The following PEAR1 variants were observed in gnomAD, a reference collection of about 807,000 sequenced individuals.
PEAR1 encodes the protein platelet endothelial aggregation receptor 1.
PEAR1 carries 113 observed loss-of-function variants against 131.2 expected under a neutral mutation model. The observed-to-expected ratio is 0.86, with a 90% CI of 0.74 to 1.01. PEAR1 has a LOEUF of 1.01. Ranked by LOEUF, PEAR1 falls within the 50% of genes least tolerant of loss-of-function variation. PEAR1 has a pLI of 0.00. For synonymous variants in PEAR1, 565 were observed against 523.3 expected (o/e 1.08, Z -1.09); for missense variants, 1,408 against 1,391.1 (o/e 1.01, Z -0.19).
rs1651857379 is a variant in PEAR1, at chr1:156,916,346, A to T, written c.*1548A>T. 1 of 152,176 alleles carries T rather than the reference A, an allele frequency of 6.6e-6. No homozygotes were observed. Among genetic ancestry groups the T allele is most frequent in the Non-Finnish European group, 1.5e-5 (1 of 68,040 alleles). The allele number at this position is 152,176 out of a possible 1,614,324, so 9.4% of individuals were successfully genotyped here. A position where few individuals can be genotyped will look rare whatever the true frequency, so the allele number is the denominator to read the frequency against. ...ATTATATGTGTTATAGTGATCTGTG[A>T]TCAGTGATCTTTGATATATTATTGT... On this transcript the variant is annotated 3_prime_UTR_variant, in exon 23 of 23. Coordinates refer to ENST00000292357, the MANE Select transcript of PEAR1 (RefSeq NM_001080471.3).
chr1:156,907,862 C>T, intron 7 of PEAR1, 53 bp from the exon 8 acceptor site: 1 of 1,593,112 alleles, frequency 6.3e-7, no homozygotes, highest in South Asian at 1.1e-5. Flanking sequence ...GGTCCTGTGG[C>T]CTTGGGGAGG....
At chr1:156,895,055 G>C (rs1359350313) in intron 1 of PEAR1, among the ~76,000 whole-genome samples, 4 of 152,172 alleles carry the variant, frequency 2.6e-5, no homozygotes, top group Non-Finnish European at 4.4e-5. Flanking sequence ...TCCCACTCTT[G>C]AGGCCTCCGA....
intron 15 of PEAR1, 95 bp downstream of exon 15, chr1:156,910,838 C>A: frequency 6.5e-7 from 1 of 1,533,750 alleles, no homozygotes; most frequent in Non-Finnish European, 8.8e-7. Context: ...GGTATAAAAG[C>A]CTCTGGGCCC....
At chr1:156,905,471 G>C in intron 4 of PEAR1, 47 bp downstream of exon 4, 2 of 1,508,350 alleles carry the variant, frequency 1.3e-6, no homozygotes, top group East Asian at 2.3e-5. Context: ...AATGGAATGC[G>C]GGGAGCTTAG....
At position 156,908,612 on chromosome 1, in the gene PEAR1, C is replaced by A. The variant is rs1454172567; in HGVS notation, c.1116-43C>A. ...GAGGGGTCGGGAAGCTGCCCTGCCC[C>A]TGCCCAGCTCAGACCGCGCCACGCC... On this transcript the variant is annotated intron_variant, in intron 9 of 22. Transcript: ENST00000292357. The surrounding 1 kb of genome is among the most constrained non-coding windows in gnomAD (Gnocchi z 4.2). The A allele has an allele frequency of 6.8e-7, 1 of 1,474,846 alleles. No homozygotes were observed. The highest frequency in any genetic ancestry group is 2.2e-5 in the Admixed American group (1 of 45,190). The allele number at this position is 1,474,846 out of a possible 1,614,324, so 91.4% of individuals were successfully genotyped here.
chr1:156,908,474 G>A lies in PEAR1; in HGVS notation c.1115+134G>A. Reference sequence around the variant, plus strand: ...AAGGGGAAAGGGAGGGACCTCAGGGGCCGGGAGGGGCCTGGGGTACCGCTA... The same window carrying A: ...AAGGGGAAAGGGAGGGACCTCAGGGACCGGGAGGGGCCTGGGGTACCGCTA... On this transcript the variant is annotated intron_variant, in intron 9 of 22. Transcript: ENST00000292357. The surrounding 1 kb of genome is among the most constrained non-coding windows in gnomAD (Gnocchi z 4.2). 2.4e-6 allele frequency: 3 copies of A among 1,243,268 alleles called. No individual in the cohort carries two copies. The highest frequency in any genetic ancestry group is 1.5e-5 in the African/African-American group (1 of 66,050). 77.0% of individuals were successfully genotyped at this position (1,243,268 alleles called of 1,614,324 possible).
chr1:156,912,399 G>T (rs572356490), intron 16 of PEAR1, 24 bp downstream of exon 16: 1 of 1,608,694 alleles, frequency 6.2e-7, no homozygotes, highest in Admixed American at 1.7e-5. Flanking sequence ...GGGAACTCCA[G>T]GCCCCTGCCT....
At position 156,913,872 on chromosome 1, in the gene PEAR1, C is replaced by A. The variant is rs1651570317; in HGVS notation, c.2734C>A (p.Leu912Ile). ...YNKGLISEEE[L>I]GASVASLSSE... is the part of the protein sequence containing the mutation. ...CTTAGGGCTCATCTCTGAAGAGGAG[C>A]TCGGGGCCAGTGTGGCTTCCCTGAG... The change falls in exon 22 of 23, where the codon CTC becomes ATC. Residue 912 changes from leucine (L) to isoleucine (I), a missense_variant. Coordinates refer to ENST00000292357, the MANE Select transcript of PEAR1 (RefSeq NM_001080471.3). 1 of 1,613,414 alleles carries A rather than the reference C, an allele frequency of 6.2e-7. No homozygotes were observed. The highest frequency in any genetic ancestry group is 8.5e-7 in the Non-Finnish European group (1 of 1,179,756).
intron 11 of PEAR1, 144 bp downstream of exon 11, chr1:156,909,180 T>G: frequency 3.7e-6 from 4 of 1,095,060 alleles, no homozygotes; most frequent in Non-Finnish European, 5.2e-6. Flanking sequence ...AGGGAAAGTA[T>G]CCAGGCTACT....
chr1:156,911,285 C>CTTT (rs11386240), intron 15 of PEAR1, among the ~76,000 whole-genome samples: 1 of 93,230 alleles, frequency 1.1e-5, no homozygotes, highest in African/African-American at 4.0e-5. Flanking sequence ...CTCTTTCTTT[C>CTTT]TTTTTTTTTT....
chr1:156,909,032 G>T lies in PEAR1; in HGVS notation c.1407G>T (p.Lys469Asn). ...CCATCGACGGCGAGTGCGTCTGCAAGGAAGGTAATAGGGTGGAGTTTCCCA... is the reference window on the plus strand; with the variant it reads ...CCATCGACGGCGAGTGCGTCTGCAATGAAGGTAATAGGGTGGAGTTTCCCA... ...CSPIDGECVC[K>N]EGWQRGNCSV... The change falls in exon 11 of 23, where the codon AAG becomes AAT. Residue 469 changes from lysine (K) to asparagine (N), a missense_variant. By Grantham distance (94) the Lys-to-Asn change is moderately conservative (BLOSUM62 0). Transcript: ENST00000292357. 1 of 1,614,004 alleles carries T rather than the reference G, an allele frequency of 6.2e-7. No individual in the cohort carries two copies. Among genetic ancestry groups the T allele is most frequent in the Non-Finnish European group, 8.5e-7 (1 of 1,180,008 alleles).
chr1:156,899,582 G>A (rs761694122), intron 1 of PEAR1, among the ~76,000 whole-genome samples: 24 of 152,206 alleles, frequency 1.6e-4, no homozygotes, highest in Admixed American at 2.6e-4. Context: ...ACCCAAAGGC[G>A]CCAAGGGGAG....
At chr1:156,901,441 C>T (rs1649669623) in intron 1 of PEAR1, among the ~76,000 whole-genome samples, 1 of 152,214 alleles carries the variant, frequency 6.6e-6, no homozygotes, top group Admixed American at 6.5e-5. Flanking sequence ...TTTTCTCGGC[C>T]CAACAACAGC....
At chr1:156,909,105 G>A (rs1389517955) in intron 11 of PEAR1, 69 bp downstream of exon 11, 1 of 1,598,312 alleles carries the variant, frequency 6.3e-7, no homozygotes, top group African/African-American at 1.3e-5. Flanking sequence ...GAGTCCAAGA[G>A]TATGGGTGGG....
chr1:156,910,159 A>G (rs766963312), intron 13 of PEAR1, 51 bp downstream of exon 13: 3 of 1,613,826 alleles, frequency 1.9e-6, no homozygotes, highest in Non-Finnish European at 2.5e-6. Context: ...ATGCATCCAT[A>G]GGAAATGTGT....
At chr1:156,903,441 T>C (rs1649886525) in intron 1 of PEAR1, among the ~76,000 whole-genome samples, 1 of 152,048 alleles carries the variant, frequency 6.6e-6, no homozygotes, top group African/African-American at 2.4e-5. Flanking sequence ...CACACCTTGG[T>C]ACAAATATCA....
chr1:156,907,714 GC>G lies in PEAR1; in HGVS notation c.755del (p.Pro252LeufsTer125). On this transcript the variant is annotated frameshift_variant, in exon 7 of 23. Coordinates refer to ENST00000292357, the MANE Select transcript of PEAR1 (RefSeq NM_001080471.3). LOFTEE classifies it high-confidence loss of function. ...VFQTPQGSCS[C>X]PPGWMGTICS... ...CAAACCCCACAGGGCTCCTGCAGCTGCCCCCCTGGCTGGATGGTATGGAGGG... is the reference window on the plus strand; with the variant it reads ...CAAACCCCACAGGGCTCCTGCAGCTGCCCCCTGGCTGGATGGTATGGAGGG... The G allele has an allele frequency of 1.9e-6, 3 of 1,610,786 alleles. No homozygotes were observed. The highest frequency in any genetic ancestry group is 1.1e-5 in the South Asian group (1 of 90,538).
rs1380281237 is a variant in PEAR1 at position 156,910,352 on chromosome 1, C to G, written c.1797C>G (p.Pro599=). The G allele has an allele frequency of 6.2e-7, 1 of 1,605,730 alleles. No homozygotes were observed. The highest frequency in any genetic ancestry group is 1.3e-5 in the African/African-American group (1 of 74,764). The part of the protein sequence containing the change: ...LPENGNCVCA[P]GFRGPSCQRS... ...AGAATGGCAACTGCGTGTGTGCACC[C>G]GGATTCCGGGGCCCCTCCTGCCAGA... Residue 599 remains proline (P), a synonymous_variant, in exon 14 of 23, where the codon CCC becomes CCG. Transcript: ENST00000292357.
Position 156,913,894 on chromosome 1 carries a change from T to C in PEAR1, c.2756T>C (p.Leu919Pro). 6.2e-7 allele frequency: 1 copy of C among 1,614,008 alleles called. No individual in the cohort carries two copies. Among genetic ancestry groups the C allele is most frequent in the Admixed American group, 1.7e-5 (1 of 60,010 alleles). Residue 919 changes from leucine (L) to proline (P), a missense_variant, in exon 22 of 23, where the codon CTG becomes CCG. By Grantham distance (98) the Leu-to-Pro change is moderately conservative. Coordinates refer to ENST00000292357, the MANE Select transcript of PEAR1 (RefSeq NM_001080471.3). ...EEELGASVAS[L>P]SSENPYATIR... ...GAGCTCGGGGCCAGTGTGGCTTCCC[T>C]GAGCAGTGAGAACCCATATGCCACC...
Sources: gnomAD v4.1 joint callset for allele counts (sites outside exome capture counted in the v4.1 genomes callset) on GRCh38, gnomAD v4.1.1 for gene constraint, Gnocchi (gnomAD v3.1) non-coding constraint, MANE v1.5 for transcripts, NCBI Gene and HGNC (gene_info 2026-07-23, HGNC 2026-07-21) for gene names.